Variants in SCN9A observed in about 807,000 individuals in gnomAD.
SCN9A encodes the protein sodium voltage-gated channel alpha subunit 9.
SCN9A carries 131 observed loss-of-function variants against 187.0 expected under a neutral mutation model. That is an observed-to-expected ratio of 0.70 (90% CI 0.61 to 0.81). The LOEUF (loss-of-function observed/expected upper bound fraction) is 0.81. Ranked by LOEUF, SCN9A falls within the 30% of genes least tolerant of loss-of-function variation. The pLI is 0.00. For missense variants in SCN9A, 2,252 were observed against 2,396.6 expected, an observed-to-expected ratio of 0.94 and a Z score of 1.26; for synonymous variants, 809 against 808.6, an observed-to-expected ratio of 1.00 and a Z score of -0.01.
intron 1 of SCN9A, among the ~76,000 whole-genome samples, chr2:166,373,395 T>C (rs896677550): frequency 1.3e-5 from 2 of 151,348 alleles, no homozygotes; most frequent in Non-Finnish European, 2.9e-5. Context: ...GAGAATGAAT[T>C]GCAGGGGAGA....
In SCN9A at chr2:166,265,291, T is replaced by C. The variant is rs928825100; in HGVS notation, c.3351+7108A>G. 5.3e-5 allele frequency among the ~76,000 whole-genome samples: 8 copies of C among 152,008 alleles called. 1 individual carries two copies. The highest frequency in any genetic ancestry group is 5.3e-4 in the Admixed American group (8 of 15,226). ...ATGACAACCCTTTAGATTCCACATA[T>C]GTGTGAGATATTTGACTTTCTGTGC... On this transcript the variant is annotated intron_variant, in intron 17 of 26. Coordinates refer to ENST00000642356, the MANE Select transcript of SCN9A (RefSeq NM_001365536.1).
At chr2:166,349,175 A>AT (rs780083168) in intron 1 of SCN9A, among the ~76,000 whole-genome samples, 84 of 152,124 alleles carry the variant, frequency 5.5e-4, no homozygotes, top group Middle Eastern at 3.4e-3. Context: ...TCTCATCATG[A>AT]TTTGACATAA....
chr2:166,226,621 A>G lies in SCN9A; in HGVS notation c.4344T>C (p.Thr1448=). 1 of 1,590,938 alleles carries G rather than the reference A, an allele frequency of 6.3e-7. No individual in the cohort carries two copies. Among genetic ancestry groups the G allele is most frequent in the East Asian group, 2.3e-5 (1 of 44,308 alleles). Residue 1448 remains threonine, a synonymous_variant, in exon 24 of 27, where the codon ACT becomes ACC. Transcript: ENST00000642356. Reference sequence around the variant, plus strand: ...TGATGACACCAATGAACAAGTTCAAAGTGAAGAATGACCCAAAGATGATAA... The same window carrying G: ...TGATGACACCAATGAACAAGTTCAAGGTGAAGAATGACCCAAAGATGATAA... The part of the protein sequence containing the change: ...VVFIIFGSFF[T]LNLFIGVIID...
chr2:166,216,831 A>G (rs758203663), intron 24 of SCN9A, among the ~76,000 whole-genome samples: 15 of 152,072 alleles, frequency 9.9e-5, no homozygotes, highest in Non-Finnish European at 1.8e-4. Context: ...TACAGATTCA[A>G]TGCAATCCCT....
chr2:166,311,504 T>G lies in SCN9A; in HGVS notation c.253A>C (p.Lys85Gln). 6.4e-7 allele frequency: 1 copy of G among 1,557,662 alleles called. No individual in the cohort carries two copies. Among genetic ancestry groups the G allele is most frequent in the Non-Finnish European group, 8.7e-7 (1 of 1,148,814 alleles). ...LEDLDPYYAD[K>Q]KTFIVLNKGK... ...TGAAGTCAAAATAAACTCACCTTTT[T>G]GTCTGCATAGTAGGGGTCCAAGTCC... Residue 85 changes from lysine (K) to glutamine (Q), a missense_variant, in exon 2 of 27, where the codon AAA becomes CAA. This residue lies in a region of SCN9A where 1,013 missense variants were observed against 997.4 expected (regional missense o/e 1.02). Transcript: ENST00000642356.
chr2:166,236,504 T>C (rs931068418), intron 20 of SCN9A, among the ~76,000 whole-genome samples: 5 of 152,182 alleles, frequency 3.3e-5, no homozygotes, highest in African/African-American at 1.2e-4. Context: ...CACTGAAACC[T>C]CTGCCTACCG....
intron 17 of SCN9A, among the ~76,000 whole-genome samples, chr2:166,264,643 G>T (rs1322220682): frequency 6.6e-6 from 1 of 151,872 alleles, no homozygotes; most frequent in Non-Finnish European, 1.5e-5. Context: ...CTGTCTATCA[G>T]GTTGAGGAAA....
intron 11 of SCN9A, among the ~76,000 whole-genome samples, chr2:166,285,596 T>C (rs770037331): frequency 1.8e-4 from 27 of 152,220 alleles, no homozygotes; most frequent in Admixed American, 9.8e-4. Flanking sequence ...AGTGAAATTT[T>C]GAAGGCAGGG....
Position 166,198,556 on chromosome 2 carries a change from C to T in SCN9A, c.*116G>A. ...TAGGAAATCAGAGTTAGTGACTGCA[C>T]TGCCTTCGAGAATATTTTGATAAAA... On this transcript the variant is annotated 3_prime_UTR_variant, in exon 27 of 27. Transcript: ENST00000642356. 1.3e-6 allele frequency: 1 copy of T among 784,282 alleles called. No individual in the cohort carries two copies. The highest frequency in any genetic ancestry group is 2.0e-6 in the Non-Finnish European group (1 of 504,350). The allele number at this position is 784,282 out of a possible 1,614,324, so 48.6% of individuals were successfully genotyped here. A position where few individuals can be genotyped will look rare whatever the true frequency, so the allele number is the denominator to read the frequency against.
chr2:166,360,056 T>C (rs1700241270), intron 1 of SCN9A, among the ~76,000 whole-genome samples: 1 of 151,096 alleles, frequency 6.6e-6, no homozygotes, highest in Non-Finnish European at 1.5e-5. Context: ...ACCCCGTCTC[T>C]ACTAAAAATA....
At chr2:166,323,052 G>A (rs958901667) in intron 1 of SCN9A, among the ~76,000 whole-genome samples, 13 of 152,044 alleles carry the variant, frequency 8.6e-5, no homozygotes, top group African/African-American at 3.1e-4. Flanking sequence ...TTGTTGTTTT[G>A]AACTTTATAT....
rs1476233361 is a variant in SCN9A at position 166,197,847 on chromosome 2, C to G, written c.*825G>C. The stretch of plus-strand genomic sequence containing the variant: ...AAATAATAGCAAATAGAACTTCTGT[C>G]AATAACTTTTTTCTCAGTTATCTTT... On this transcript the variant is annotated 3_prime_UTR_variant, in exon 27 of 27. Transcript: ENST00000642356. 6.6e-6 allele frequency: 1 copy of G among 152,010 alleles called. No homozygotes were observed. The highest frequency in any genetic ancestry group is 1.5e-5 in the Non-Finnish European group (1 of 67,972). The allele number at this position is 152,010 out of a possible 1,614,324, so 9.4% of individuals were successfully genotyped here.
intron 17 of SCN9A, among the ~76,000 whole-genome samples, chr2:166,260,801 A>G (rs1394699704): frequency 1.3e-5 from 2 of 151,892 alleles, no homozygotes; most frequent in South Asian, 2.1e-4. Context: ...TGAATAAAAT[A>G]TCTGTGTTCA....
chr2:166,201,058 T>C (rs543748462), intron 26 of SCN9A, among the ~76,000 whole-genome samples: 1 of 152,192 alleles, frequency 6.6e-6, no homozygotes, highest in East Asian at 1.9e-4. Flanking sequence ...CTAGCATTTA[T>C]ACTGTTTCCA....
In SCN9A at chr2:166,271,878, G is replaced by A. The variant is rs190372526; in HGVS notation, c.3351+521C>T. Among the ~76,000 whole-genome samples, 165 of 151,600 alleles carry A rather than the reference G, an allele frequency of 1.1e-3. 2 individuals carry two copies. The highest frequency in any genetic ancestry group is 3.9e-3 in the African/African-American group (160 of 41,410). ...TCTCCGTTTTTTAAAAAAAAGAAGA[G>A]AGAGAGAGAGAGAGCGATACTTTGC... On this transcript the variant is annotated intron_variant, in intron 17 of 26. Coordinates refer to ENST00000642356, the MANE Select transcript of SCN9A (RefSeq NM_001365536.1).
At position 166,197,057 on chromosome 2, in the gene SCN9A, GTAATT is replaced by G. The variant is rs1693266645; in HGVS notation, c.*1610_*1614del. On this transcript the variant is annotated 3_prime_UTR_variant, in exon 27 of 27. Coordinates refer to ENST00000642356, the MANE Select transcript of SCN9A (RefSeq NM_001365536.1). ...TGCTTTAAACATTTATTATATAAAT[GTAATT>G]TATTATTTTTTAAATATGGAAAGCA... 1 of 150,732 alleles carries G rather than the reference GTAATT, an allele frequency of 6.6e-6. No individual in the cohort carries two copies. Among genetic ancestry groups the G allele is most frequent in the African/African-American group, 2.4e-5 (1 of 41,266 alleles). The allele number at this position is 150,732 out of a possible 1,614,324, so 9.3% of individuals were successfully genotyped here.
chr2:166,205,883 C>T (rs951694685), intron 24 of SCN9A, among the ~76,000 whole-genome samples: 3 of 152,158 alleles, frequency 2.0e-5, no homozygotes, highest in Non-Finnish European at 4.4e-5. Flanking sequence ...CAAAAGAAGA[C>T]ATTTATGCAG....
intron 24 of SCN9A, among the ~76,000 whole-genome samples, chr2:166,219,683 A>G (rs1283006097): frequency 6.6e-6 from 1 of 152,196 alleles, no homozygotes. Flanking sequence ...ATGTTTACCT[A>G]TGTAACAAGA....
intron 1 of SCN9A, among the ~76,000 whole-genome samples, chr2:166,362,047 T>C (rs925633733): frequency 2.0e-5 from 3 of 152,038 alleles, no homozygotes; most frequent in African/African-American, 7.2e-5. Context: ...TTTGGAACAT[T>C]TGTGGACATT....
Sources: gnomAD v4.1 joint callset for allele counts (sites outside exome capture counted in the v4.1 genomes callset) on GRCh38, gnomAD v4.1.1 for gene constraint, gnomAD v4.1.1 regional missense constraint, MANE v1.5 for transcripts, NCBI Gene and HGNC (gene_info 2026-07-23, HGNC 2026-07-21) for gene names.